LPIN1: variants seen among roughly 807,000 people sequenced by gnomAD.
The protein encoded by LPIN1 is lipin 1.
In LPIN1, 71 loss-of-function variants were observed where a neutral mutation model predicts 107.5. The ratio of observed to expected loss-of-function variants is 0.66; its 90% confidence interval spans 0.55 to 0.80. The LOEUF is 0.80. LPIN1 is among the 30% of genes least tolerant of loss of function. LPIN1 has a pLI of 0.00. For synonymous variants in LPIN1, 445 were observed against 452.6 expected, an observed-to-expected ratio of 0.98 and a Z score of 0.21; for missense variants, 1,043 against 1,160.6, an observed-to-expected ratio of 0.90 and a Z score of 1.47.
intron 8 of LPIN1, among the ~76,000 whole-genome samples, chr2:11,783,118 C>T (rs1185074690): frequency 6.6e-6 from 1 of 152,200 alleles, no homozygotes; most frequent in African/African-American, 2.4e-5. Context: ...GCCTGATCTC[C>T]ATCCACCCAG....
chr2:11,732,655 C>T (rs1209569355), intron 1 of LPIN1, among the ~76,000 whole-genome samples: 1 of 152,094 alleles, frequency 6.6e-6, no homozygotes, highest in Non-Finnish European at 1.5e-5. Flanking sequence ...GCCAAAGGAC[C>T]ACCTGATAAA....
rs10209969 is a variant in LPIN1 at position 11,765,750 on chromosome 2, C to T, written c.192+17C>T. Reference sequence around the variant, plus strand: ...GAGAAAGTGGTGAGCTCTCAGGGCACGGGGACCTGGCACCGGCTCTCCTTA... The same window carrying T: ...GAGAAAGTGGTGAGCTCTCAGGGCATGGGGACCTGGCACCGGCTCTCCTTA... On this transcript the variant is annotated intron_variant, in intron 2 of 20. Transcript: ENST00000674199. This position sits in a 1 kb window ranked among gnomAD's most constrained non-coding sequence, Gnocchi z 4.4. The T allele has an allele frequency of 0.32, 518,183 of 1,602,574 alleles. 86,792 individuals carry two copies. The highest frequency in any genetic ancestry group is 0.39 in the Middle Eastern group (2,315 of 5,956).
At position 11,756,725 on chromosome 2, in the gene LPIN1, GTTGAGTATGCTA is replaced by G. The variant is rs1213870788; in HGVS notation, c.-9-8805_-9-8794del. ...ATTTTTAATAATCGATGCTGTTCGA[GTTGAGTATGCTA>G]TTTATTATTAATGTCATAGGTAGAA... On this transcript the variant is annotated intron_variant, in intron 1 of 20. Transcript: ENST00000674199. Among the ~76,000 whole-genome samples the G allele has an allele frequency of 3.3e-5, 5 of 152,170 alleles. No individual in the cohort carries two copies. The South Asian group carries it at 1.0e-3, about 32-fold the overall frequency.
intron 1 of LPIN1, among the ~76,000 whole-genome samples, chr2:11,702,996 C>G (rs1234797878): frequency 2.6e-5 from 4 of 152,156 alleles, no homozygotes; most frequent in Non-Finnish European, 5.9e-5. Flanking sequence ...ATTTCTGCAG[C>G]AAGATTTCTC....
intron 17 of LPIN1, among the ~76,000 whole-genome samples, chr2:11,807,181 G>A (rs867354977): frequency 8.5e-5 from 13 of 152,196 alleles, no homozygotes; most frequent in South Asian, 2.1e-4. Flanking sequence ...AGAATTGCTG[G>A]GTCAAAGGAT....
intron 1 of LPIN1, among the ~76,000 whole-genome samples, chr2:11,705,006 T>C (rs1312813413): frequency 6.6e-6 from 1 of 152,226 alleles, no homozygotes; most frequent in Admixed American, 6.5e-5. Context: ...GAACTTCCAC[T>C]GGTTACCGGC....
intron 20 of LPIN1, among the ~76,000 whole-genome samples, chr2:11,822,742 T>A (rs1186230160): frequency 1.3e-5 from 2 of 152,050 alleles, no homozygotes; most frequent in Non-Finnish European, 2.9e-5. Context: ...CAAAAAGAAC[T>A]TTGAACCAAT....
upstream of LPIN1, among the ~76,000 whole-genome samples, chr2:11,745,609 C>T (rs990442051): frequency 6.6e-6 from 1 of 152,214 alleles, no homozygotes; most frequent in Non-Finnish European, 1.5e-5. Flanking sequence ...ACTTGAGAGG[C>T]TGAGGCAGGA....
In LPIN1 at chr2:11,826,513, C is replaced by CAAAAAAAAAAAAAAAAA. The variant is rs11287978; in HGVS notation, c.*1730_*1746dup. Reference sequence around the variant, plus strand: ...TGGGTGACAGAGTAAGACTCCATGTCAAAAAAAAAAAAAAAAAAAAAAAAG... The same window carrying CAAAAAAAAAAAAAAAAA: ...TGGGTGACAGAGTAAGACTCCATGTCAAAAAAAAAAAAAAAAAAAAAAAAAAAAAAAAAAAAAAAAAG... On this transcript the variant is annotated 3_prime_UTR_variant, in exon 21 of 21. Coordinates refer to ENST00000674199, the MANE Select transcript of LPIN1 (RefSeq NM_001349206.2). 2.7e-5 allele frequency: 2 copies of CAAAAAAAAAAAAAAAAA among 74,756 alleles called. No homozygotes were observed. The highest frequency in any genetic ancestry group is 4.9e-5 in the Non-Finnish European group (2 of 40,624). 4.6% of individuals were successfully genotyped at this position (74,756 alleles called of 1,614,324 possible). A position where few individuals can be genotyped will look rare whatever the true frequency, so the allele number is the denominator to read the frequency against.
intron 1 of LPIN1, 105 bp downstream of exon 1, chr2:11,746,776 C>A: frequency 9.8e-6 from 5 of 512,204 alleles, no homozygotes; most frequent in Non-Finnish European, 1.0e-5. Context: ...CGTGGCGAGG[C>A]GGGGGCTCGG....
intron 14 of LPIN1, among the ~76,000 whole-genome samples, chr2:11,796,781 A>G (rs1393946503): frequency 6.6e-6 from 1 of 152,210 alleles, no homozygotes; most frequent in Non-Finnish European, 1.5e-5. Context: ...CAGGCCAAGG[A>G]CATGCCACCC....
At chr2:11,791,659 G>A in intron 12 of LPIN1, 1 of 1,307,668 alleles carries the variant, frequency 7.6e-7, no homozygotes, top group Non-Finnish European at 1.0e-6. Flanking sequence ...TGTTGTTGTT[G>A]TGTTGTATTT....
rs1018652917 is a variant in LPIN1, at chr2:11,826,996, A to G, written c.*2205A>G. 1.3e-5 allele frequency: 2 copies of G among 152,668 alleles called. No homozygotes were observed. Among genetic ancestry groups the G allele is most frequent in the South Asian group, 2.1e-4 (1 of 4,828 alleles). The allele number at this position is 152,668 out of a possible 1,614,324, so 9.5% of individuals were successfully genotyped here. A position where few individuals can be genotyped will look rare whatever the true frequency, so the allele number is the denominator to read the frequency against. On this transcript the variant is annotated 3_prime_UTR_variant, in exon 21 of 21. Transcript: ENST00000674199. ...ATTTGTATATGGGCTGCACTCACGC[A>G]TATACGAGTTGGTTTATCTTTGTGT...
intron 1 of LPIN1, among the ~76,000 whole-genome samples, chr2:11,740,684 G>GA (rs56188204): frequency 0.043 from 3,542 of 81,492 alleles, 128 homozygotes; most frequent in Non-Finnish European, 0.065. Context: ...GCTCTATCTC[G>GA]AAAAAAAAAA....
chr2:11,769,680 G>A (rs918740773), intron 3 of LPIN1, among the ~76,000 whole-genome samples: 1 of 151,998 alleles, frequency 6.6e-6, no homozygotes, highest in African/African-American at 2.4e-5. Context: ...TGCATAAAGA[G>A]TCCTTTGCCA....
rs1483500866 is a variant in LPIN1, at chr2:11,783,875, C to T, written c.1311C>T (p.Asp437=). 8 of 1,614,190 alleles carry T rather than the reference C, an allele frequency of 5.0e-6. No individual in the cohort carries two copies. Among genetic ancestry groups the T allele is most frequent in the Non-Finnish European group, 6.8e-6 (8 of 1,180,016 alleles). Residue 437 remains aspartate, a synonymous_variant, in exon 9 of 21, where the codon GAC becomes GAT. Coordinates refer to ENST00000674199, the MANE Select transcript of LPIN1 (RefSeq NM_001349206.2). ...GTGCTGACGGCGTCTACTTGGATGACCTCACAGACATGGATCCTGAAGTGG... is the reference window on the plus strand; with the variant it reads ...GTGCTGACGGCGTCTACTTGGATGATCTCACAGACATGGATCCTGAAGTGG... ...HLGADGVYLD[D]LTDMDPEVAA...
chr2:11,785,050 T>TTTAATGATA lies in LPIN1; in HGVS notation c.1523_1524insTTAATGATA (p.Leu508_Ser509insTer). On this transcript the variant is annotated stop_gained and inframe_insertion, in exon 10 of 21. Coordinates refer to ENST00000674199, the MANE Select transcript of LPIN1 (RefSeq NM_001349206.2). LOFTEE classifies it high-confidence loss of function. The stretch of plus-strand genomic sequence containing the variant: ...ATCGCCATCTCCCTCTGCGGGGGCC[T>TTTAATGATA]CAGCGACCACCGGGAGATCACGAAA... 1 of 1,553,496 alleles carries TTTAATGATA rather than the reference T, an allele frequency of 6.4e-7. No individual in the cohort carries two copies. The highest frequency in any genetic ancestry group is 8.7e-7 in the Non-Finnish European group (1 of 1,149,174).
chr2:11,744,259 G>A (rs1666662047), upstream of LPIN1, among the ~76,000 whole-genome samples: 1 of 152,218 alleles, frequency 6.6e-6, no homozygotes, highest in African/African-American at 2.4e-5. Context: ...AGCTCTCCTG[G>A]CTGAGTCACT....
chr2:11,792,355 A>C, intron 13 of LPIN1: 1 of 223,594 alleles, frequency 4.5e-6, no homozygotes, highest in Non-Finnish European at 9.1e-6. Context: ...TGTGGAGACA[A>C]TTTTTCTTTT....
Sources: gnomAD v4.1 joint callset for allele counts (sites outside exome capture counted in the v4.1 genomes callset) on GRCh38, gnomAD v4.1.1 for gene constraint, Gnocchi (gnomAD v3.1) non-coding constraint, MANE v1.5 for transcripts, NCBI Gene and HGNC (gene_info 2026-07-23, HGNC 2026-07-21) for gene names.